The following FYN variants were observed in gnomAD, a reference collection of about 807,000 sequenced individuals.
The protein encoded by FYN is FYN proto-oncogene, Src family tyrosine kinase.
FYN carries 10 observed loss-of-function variants against 70.2 expected under a neutral mutation model. That is an observed-to-expected ratio of 0.14 (90% CI 0.09 to 0.24). FYN has a LOEUF of 0.24. Ranked by LOEUF, FYN falls within the 10% of genes least tolerant of loss-of-function variation. The pLI, the probability that FYN is intolerant of heterozygous loss-of-function variation, is 1.00. For synonymous variants in FYN, 236 were observed against 248.6 expected (o/e 0.95, Z 0.48); for missense variants, 319 against 673.1 (o/e 0.47, Z 5.82).
At chr6:111,798,366 T>A (rs936410725) in intron 2 of FYN, 2 of 151,470 alleles carry the variant, frequency 1.3e-5, no homozygotes, top group African/African-American at 2.4e-5. Context: ...TGCAAAGAGG[T>A]TTCAAAACAG....
intron 2 of FYN, among the ~76,000 whole-genome samples, chr6:111,793,384 G>A (rs6932319): frequency 0.11 from 15,948 of 151,492 alleles, 1,072 homozygotes; most frequent in Middle Eastern, 0.2. Context: ...GTTAAAAACC[G>A]TTTCCTGGGG....
At chr6:111,667,909 T>G (rs960806466) in intron 13 of FYN, among the ~76,000 whole-genome samples, 1 of 152,252 alleles carries the variant, frequency 6.6e-6, no homozygotes, top group Non-Finnish European at 1.5e-5. Context: ...TTTTGTGCCA[T>G]GTGAATAATT....
intron 3 of FYN, among the ~76,000 whole-genome samples, chr6:111,767,772 A>T (rs1803291629): frequency 6.6e-6 from 1 of 152,182 alleles, no homozygotes; most frequent in Non-Finnish European, 1.5e-5. Context: ...TAGAAGAGAG[A>T]CAAAACTGCT....
At chr6:111,685,394 C>T (rs569266179) in intron 12 of FYN, among the ~76,000 whole-genome samples, 1 of 152,330 alleles carries the variant, frequency 6.6e-6, no homozygotes, top group Non-Finnish European at 1.5e-5. Context: ...ATAGGATATA[C>T]AGAAGACAAA....
chr6:111,812,604 CTTTTTTTTTTTTTTT>C (rs369326017), intron 2 of FYN, among the ~76,000 whole-genome samples: 1 of 101,284 alleles, frequency 9.9e-6, no homozygotes, highest in African/African-American at 3.4e-5. Flanking sequence ...AGAAATTTTC[CTTTTTTTTTTTTTTT>C]TTTTTTTTTT....
intron 1 of FYN, among the ~76,000 whole-genome samples, chr6:111,847,353 G>A (rs185497735): frequency 9.2e-5 from 14 of 152,314 alleles, no homozygotes; most frequent in African/African-American, 2.9e-4. Flanking sequence ...TTGCTCACAC[G>A]CTGTGCCTAC....
At chr6:111,688,461 C>T (rs578083580) in intron 12 of FYN, among the ~76,000 whole-genome samples, 1 of 152,192 alleles carries the variant, frequency 6.6e-6, no homozygotes, top group East Asian at 1.9e-4. Flanking sequence ...GGGTTGGTGA[C>T]CTTGGTTATT....
chr6:111,764,216 C>CAA (rs11409465), intron 3 of FYN, among the ~76,000 whole-genome samples: 646 of 58,332 alleles, frequency 0.011, 7 homozygotes, highest in Middle Eastern at 0.016. Flanking sequence ...TTTTGTCAAG[C>CAA]AAAAAAAAAA....
intron 7 of FYN, among the ~76,000 whole-genome samples, chr6:111,703,775 G>T (rs1360580156): frequency 6.6e-6 from 1 of 152,166 alleles, no homozygotes; most frequent in Non-Finnish European, 1.5e-5. Flanking sequence ...GCTGCATCCA[G>T]CCCGTTTCAG....
chr6:111,700,381 T>A, intron 8 of FYN, 113 bp from the exon 9 acceptor site: 1 of 1,042,866 alleles, frequency 9.6e-7, no homozygotes, highest in Non-Finnish European at 1.4e-6. Flanking sequence ...CAAACAGTGC[T>A]ACTACACCAG....
At chr6:111,680,050 C>G (rs1798718624) in intron 12 of FYN, among the ~76,000 whole-genome samples, 3 of 152,150 alleles carry the variant, frequency 2.0e-5, no homozygotes, top group Admixed American at 6.5e-5. Context: ...ACCATTTTGA[C>G]CTCACCAAGC....
chr6:111,694,348 A>T lies in FYN; in HGVS notation c.1273+27T>A. 1 of 1,613,252 alleles carries T rather than the reference A, an allele frequency of 6.2e-7. No homozygotes were observed. Among genetic ancestry groups the T allele is most frequent in the Non-Finnish European group, 8.5e-7 (1 of 1,179,312 alleles). On this transcript the variant is annotated intron_variant, in intron 12 of 13. Coordinates refer to ENST00000354650, the MANE Select transcript of FYN (RefSeq NM_002037.5). The surrounding 1 kb of genome is among the most constrained non-coding windows in gnomAD (Gnocchi z 5.0). ...AGTGACTGTTCTCACAGCTGTGATC[A>T]CGAGCCATTGTCATTCAAGTGCCCA...
intron 2 of FYN, among the ~76,000 whole-genome samples, chr6:111,800,090 G>A (rs1771937122): frequency 2.0e-5 from 3 of 152,124 alleles, no homozygotes; most frequent in African/African-American, 7.2e-5. Flanking sequence ...TGCCCTGTGG[G>A]TATGAGTCAC....
chr6:111,816,122 A>G (rs1040736196), intron 2 of FYN, among the ~76,000 whole-genome samples: 1 of 152,162 alleles, frequency 6.6e-6, no homozygotes, highest in East Asian at 1.9e-4. Context: ...ATTTTTAGGC[A>G]TTTACCTTTA....
At chr6:111,709,713 T>C (rs868278625) in intron 5 of FYN, among the ~76,000 whole-genome samples, 11 of 152,218 alleles carry the variant, frequency 7.2e-5, no homozygotes, top group South Asian at 2.1e-4. Context: ...TTAGGAAATA[T>C]TTATACATAC....
At chr6:111,763,895 T>C (rs1803104764) in intron 3 of FYN, among the ~76,000 whole-genome samples, 1 of 152,174 alleles carries the variant, frequency 6.6e-6, no homozygotes, top group Admixed American at 6.5e-5. Flanking sequence ...CTATGGGTGC[T>C]GTGCAGATTA....
At chr6:111,698,814 G>T (rs1218659063) in intron 9 of FYN, among the ~76,000 whole-genome samples, 1 of 152,172 alleles carries the variant, frequency 6.6e-6, no homozygotes, top group Non-Finnish European at 1.5e-5. Flanking sequence ...GCCGGGCGTG[G>T]TGGCTCACGC....
At chr6:111,818,466 G>A (rs1477786632) in intron 2 of FYN, 3 of 152,198 alleles carry the variant, frequency 2.0e-5, no homozygotes, top group Non-Finnish European at 2.9e-5. Context: ...ATGGGCATGA[G>A]CTCTGAGTTA....
At chr6:111,701,906 G>T (rs181399647) in intron 8 of FYN, among the ~76,000 whole-genome samples, 2 of 152,330 alleles carry the variant, frequency 1.3e-5, no homozygotes, top group East Asian at 3.9e-4. Context: ...GGGATCAACA[G>T]ACATTTCTTA....
Sources: gnomAD v4.1 joint callset for allele counts (sites outside exome capture counted in the v4.1 genomes callset) on GRCh38, gnomAD v4.1.1 for gene constraint, Gnocchi (gnomAD v3.1) non-coding constraint, MANE v1.5 for transcripts, NCBI Gene and HGNC (gene_info 2026-07-23, HGNC 2026-07-21) for gene names.